HDAC7: variants seen among roughly 807,000 people sequenced by gnomAD.
HDAC7 encodes histone deacetylase 7A.
In HDAC7, 26 loss-of-function variants were observed where a neutral mutation model predicts 115.5. The ratio of observed to expected loss-of-function variants is 0.23; its 90% CI spans 0.16 to 0.31. HDAC7 has a LOEUF of 0.31. HDAC7 is among the 10% of genes least tolerant of loss of function. The pLI is 1.00. For missense variants in HDAC7, 1,068 were observed against 1,329.0 expected (o/e 0.80, Z 3.05); for synonymous variants, 564 against 550.9 (o/e 1.02, Z -0.33).
chr12:47,783,913 C>T lies in HDAC7; in HGVS notation c.2931-27G>A, dbSNP rs113552997. On this transcript the variant is annotated intron_variant, in intron 25 of 25. Coordinates refer to ENST00000080059, the MANE Select transcript of HDAC7 (RefSeq NM_015401.5). ...TGTGGGGAGGGACAAGGGTGGGATG[C>T]TGGAGCACCAGGGCTGCAGCAAGGG... The T allele has an allele frequency of 3.1e-6, 5 of 1,613,092 alleles. No homozygotes were observed. The African/African-American group carries it at 4.0e-5, about 13-fold the overall frequency.
At chr12:47,813,169 C>G (rs1944741982) in intron 1 of HDAC7, 1 of 152,318 alleles carries the variant, frequency 6.6e-6, no homozygotes, top group Non-Finnish European at 1.5e-5. Flanking sequence ...TCCAGCTCCC[C>G]CTTGCCTGGG....
At chr12:47,814,333 C>T (rs946619795) in intron 1 of HDAC7, among the ~76,000 whole-genome samples, 2 of 152,210 alleles carry the variant, frequency 1.3e-5, no homozygotes, top group Admixed American at 6.5e-5. Flanking sequence ...GCCTTGACCC[C>T]CTCTCTTTGG....
intron 1 of HDAC7, among the ~76,000 whole-genome samples, chr12:47,806,167 C>G (rs573576007): frequency 1.3e-5 from 2 of 152,320 alleles, no homozygotes; most frequent in African/African-American, 2.4e-5. Flanking sequence ...TATCCAGAAC[C>G]CAGCAGGGAG....
chr12:47,792,274 G>A lies in HDAC7; in HGVS notation c.1679-270C>T, dbSNP rs75534553. On this transcript the variant is annotated intron_variant, in intron 13 of 25. Coordinates refer to ENST00000080059, the MANE Select transcript of HDAC7 (RefSeq NM_015401.5). ...GCCAACATGGCTGCCACAGAGCCAC[G>A]GCCTTCCCACATGCGGACACGACTG... 1.6e-4 allele frequency: 83 copies of A among 519,004 alleles called. No homozygotes were observed. In the East Asian group the frequency reaches 2.2e-3, roughly 14 times the overall value. 32.1% of individuals were successfully genotyped at this position (519,004 alleles called of 1,614,324 possible).
At position 47,796,303 on chromosome 12, in the gene HDAC7, G is replaced by A; in HGVS notation, c.704-5C>T. The A allele has an allele frequency of 6.3e-7, 1 of 1,591,074 alleles. No individual in the cohort carries two copies. The highest frequency in any genetic ancestry group is 8.5e-7 in the Non-Finnish European group (1 of 1,171,746). ...TGCTACTACTTGGGGAGGAGTCTGA[G>A]GGTTGGGGAGAGAGGGAAGTGCAGT... On this transcript the variant is annotated splice_region_variant and splice_polypyrimidine_tract_variant and intron_variant, in intron 7 of 25. Transcript: ENST00000080059.
At chr12:47,806,945 CT>C (rs71077176) in intron 1 of HDAC7, among the ~76,000 whole-genome samples, 191 of 144,652 alleles carry the variant, frequency 1.3e-3, no homozygotes, top group South Asian at 4.0e-3. Context: ...CTCTCTCTCT[CT>C]TTTTTTTTTT....
chr12:47,786,868 T>C (rs886254140), intron 21 of HDAC7, among the ~76,000 whole-genome samples, 165 bp from the exon 22 acceptor site: 6 of 152,194 alleles, frequency 3.9e-5, no homozygotes, highest in African/African-American at 1.4e-4. Flanking sequence ...TGGCCACCCA[T>C]GTCCCTGGCA....
Position 47,797,366 on chromosome 12 carries a change from C to T in HDAC7, c.577+18G>A. 1.2e-6 allele frequency: 2 copies of T among 1,609,876 alleles called. No individual in the cohort carries two copies. The highest frequency in any genetic ancestry group is 1.7e-6 in the Non-Finnish European group (2 of 1,176,188). On this transcript the variant is annotated intron_variant, in intron 6 of 25. Transcript: ENST00000080059. The surrounding 1 kb of genome is among the most constrained non-coding windows in gnomAD (Gnocchi z 5.5). ...CCCCTTCCTTTGCCTGAAAGGTCCG[C>T]CTGTTTGTTCAGCTCACCTGTCTTG...
rs1054162731 is a variant in HDAC7 at position 47,788,406 on chromosome 12, T to G, written c.2236-242A>C. On this transcript the variant is annotated intron_variant, in intron 19 of 25. Coordinates refer to ENST00000080059, the MANE Select transcript of HDAC7 (RefSeq NM_015401.5). The stretch of plus-strand genomic sequence containing the variant: ...ATGAGATCCTGAAGGAGAGGAGGTG[T>G]CCCAATCTCAGGCCAGCCCACCTGA... 3 of 354,362 alleles carry G rather than the reference T, an allele frequency of 8.5e-6. No homozygotes were observed. The Admixed American group carries it at 1.3e-4, about 16-fold the overall frequency. The allele number at this position is 354,362 out of a possible 1,614,324, so 22.0% of individuals were successfully genotyped here.
chr12:47,804,564 C>T (rs1264427633), intron 1 of HDAC7, among the ~76,000 whole-genome samples: 1 of 151,702 alleles, frequency 6.6e-6, no homozygotes, highest in Non-Finnish European at 1.5e-5. Context: ...ACCCAAGGTA[C>T]CAGGAATACT....
Position 47,798,691 on chromosome 12 carries a change from T to C in HDAC7, c.259-39A>G. On this transcript the variant is annotated intron_variant, in intron 3 of 25. Coordinates refer to ENST00000080059, the MANE Select transcript of HDAC7 (RefSeq NM_015401.5). The surrounding 1 kb of genome is among the most constrained non-coding windows in gnomAD (Gnocchi z 4.3). Reference sequence around the variant, plus strand: ...CGGCAGCCCAGAAAGGGACAAGGAGTTGAGGACTGAGACTGGTGTCTAGGG... The same window carrying C: ...CGGCAGCCCAGAAAGGGACAAGGAGCTGAGGACTGAGACTGGTGTCTAGGG... 1 of 1,590,344 alleles carries C rather than the reference T, an allele frequency of 6.3e-7. No individual in the cohort carries two copies. The highest frequency in any genetic ancestry group is 8.6e-7 in the Non-Finnish European group (1 of 1,167,786).
Position 47,797,488 on chromosome 12 carries a change from G to C in HDAC7, c.473C>G (p.Pro158Arg). The C allele has an allele frequency of 6.2e-7, 1 of 1,611,882 alleles. No homozygotes were observed. The highest frequency in any genetic ancestry group is 8.5e-7 in the Non-Finnish European group (1 of 1,178,664). ...SPGIPYRTLE[P>R]LETEGATRSM... ...GCGGGTGGCTCCTTCCGTCTCCAGG[G>C]GCTCCAGGGTTCTACAGAACGAGTG... Residue 158 changes from proline (P) to arginine (R), a missense_variant, in exon 6 of 26, where the codon CCC becomes CGC. Around this residue, in one of 6 missense-constraint regions of HDAC7, gnomAD observed 618 missense variants for 701.5 expected, o/e 0.88. Transcript: ENST00000080059. This position sits in a 1 kb window ranked among gnomAD's most constrained non-coding sequence, Gnocchi z 5.5.
At chr12:47,815,910 T>TC (rs1392236779) in intron 1 of HDAC7, among the ~76,000 whole-genome samples, 2 of 150,828 alleles carry the variant, frequency 1.3e-5, no homozygotes, top group Non-Finnish European at 3.0e-5. Flanking sequence ...TTTTTTTTTT[T>TC]TTTTACAGAG....
rs2240106 is a variant in HDAC7 at position 47,791,034 on chromosome 12, G to C, written c.1983+225C>G. ...AACATCTACCAGACACCTTCTAGGG[G>C]AAGGCTTAGGCTGGACTCCGCATTC... On this transcript the variant is annotated intron_variant, in intron 16 of 25. Coordinates refer to ENST00000080059, the MANE Select transcript of HDAC7 (RefSeq NM_015401.5). 1.1e-3 allele frequency: 632 copies of C among 596,158 alleles called. 5 individuals carry two copies. Among genetic ancestry groups the C allele is most frequent in the South Asian group, 6.4e-3 (322 of 50,472 alleles). The allele number at this position is 596,158 out of a possible 1,614,324, so 36.9% of individuals were successfully genotyped here.
intron 7 of HDAC7, 87 bp from the exon 8 acceptor site, chr12:47,796,385 G>T: frequency 1.2e-6 from 1 of 825,096 alleles, no homozygotes. Flanking sequence ...GGAGACCCGG[G>T]AGCACCCCCT....
chr12:47,819,719 TG>T, intron 1 of HDAC7, 47 bp downstream of exon 1: 4 of 589,918 alleles, frequency 6.8e-6, no homozygotes, highest in Non-Finnish European at 8.6e-6. Flanking sequence ...CGGGCGACGC[TG>T]GGTGCCGCGC....
chr12:47,798,390 C>G lies in HDAC7; in HGVS notation c.350-171G>C, dbSNP rs547227029. On this transcript the variant is annotated intron_variant, in intron 4 of 25. Coordinates refer to ENST00000080059, the MANE Select transcript of HDAC7 (RefSeq NM_015401.5). This position sits in a 1 kb window ranked among gnomAD's most constrained non-coding sequence, Gnocchi z 4.3. ...CCTAGAGCCTCCAGACACCACCCCCCACCCCCACATCCCCCACACATTCAC... is the reference window on the plus strand; with the variant it reads ...CCTAGAGCCTCCAGACACCACCCCCGACCCCCACATCCCCCACACATTCAC... 6.6e-6 allele frequency among the ~76,000 whole-genome samples: 1 copy of G among 152,002 alleles called. No individual in the cohort carries two copies. The highest frequency in any genetic ancestry group is 2.4e-5 in the African/African-American group (1 of 41,366).
chr12:47,792,513 G>A, intron 13 of HDAC7: 5 of 387,962 alleles, frequency 1.3e-5, no homozygotes, highest in South Asian at 9.1e-5. Context: ...ATCCAGCTTT[G>A]GAGAAGTGAC....
At position 47,793,033 on chromosome 12, in the gene HDAC7, A is replaced by C. The variant is rs1024794066; in HGVS notation, c.1678+336T>G. On this transcript the variant is annotated intron_variant, in intron 13 of 25. Transcript: ENST00000080059. The surrounding 1 kb of genome is among the most constrained non-coding windows in gnomAD (Gnocchi z 4.5). Reference sequence around the variant, plus strand: ...TTTTCTGTACTCTTCAAAATGTCTAAAATACTTCTGAGCTCTTTTTACAAG... The same window carrying C: ...TTTTCTGTACTCTTCAAAATGTCTACAATACTTCTGAGCTCTTTTTACAAG... 7 of 314,142 alleles carry C rather than the reference A, an allele frequency of 2.2e-5. No homozygotes were observed. The highest frequency in any genetic ancestry group is 3.6e-5 in the Non-Finnish European group (6 of 168,602). The allele number at this position is 314,142 out of a possible 1,614,324, so 19.5% of individuals were successfully genotyped here.
Sources: allele counts gnomAD v4.1 joint callset (sites outside exome capture counted in the v4.1 genomes callset), GRCh38; gene constraint gnomAD v4.1.1; regional missense constraint gnomAD v4.1.1; non-coding constraint Gnocchi (gnomAD v3.1); transcripts MANE v1.5; gene names NCBI Gene and HGNC (gene_info 2026-07-23, HGNC 2026-07-21).